The following TRIM9 variants were observed in gnomAD, a reference collection of about 807,000 sequenced individuals.
TRIM9 encodes the protein E3 ubiquitin-protein ligase TRIM9.
A neutral mutation model predicts 78.3 loss-of-function variants in TRIM9; 26 were observed. The ratio of observed to expected loss-of-function variants is 0.33; its 90% CI spans 0.24 to 0.46. TRIM9 has a LOEUF of 0.46. TRIM9 is among the 20% of genes least tolerant of loss of function. The pLI, the probability that TRIM9 is intolerant of heterozygous loss-of-function variation, is 1.00. For missense variants in TRIM9, 787 were observed against 1,036.4 expected (o/e 0.76, Z 3.30); for synonymous variants, 398 against 416.5 (o/e 0.96, Z 0.54).
chr14:50,997,673 G>T, intron 7 of TRIM9: 2 of 1,113,022 alleles, frequency 1.8e-6, no homozygotes, highest in Non-Finnish European at 2.2e-6. Flanking sequence ...AATCATCTGG[G>T]CAAAACTGGC....
chr14:51,008,965 A>T, intron 5 of TRIM9, 115 bp downstream of exon 5: 1 of 1,024,504 alleles, frequency 9.8e-7, no homozygotes, highest in Non-Finnish European at 1.4e-6. Context: ...TCATTACATA[A>T]GTTAGAAGCC....
chr14:50,992,757 A>G (rs554577607), intron 7 of TRIM9, among the ~76,000 whole-genome samples: 40 of 152,302 alleles, frequency 2.6e-4, no homozygotes, highest in Non-Finnish European at 3.2e-4. Flanking sequence ...AGCTACTACA[A>G]TGAAAGGGGC....
chr14:50,988,081 C>A (rs920652983), intron 7 of TRIM9, among the ~76,000 whole-genome samples: 1 of 152,130 alleles, frequency 6.6e-6, no homozygotes, highest in Non-Finnish European at 1.5e-5. Flanking sequence ...AGATTACAGG[C>A]GTGAGCTACC....
intron 1 of TRIM9, among the ~76,000 whole-genome samples, chr14:51,046,236 A>G (rs374989373): frequency 1.9e-4 from 29 of 152,262 alleles, no homozygotes; most frequent in African/African-American, 6.7e-4. Flanking sequence ...CGCAAGGGAC[A>G]CTTGTGGGGC....
intron 1 of TRIM9, among the ~76,000 whole-genome samples, chr14:51,054,819 G>T (rs1040118072): frequency 1.3e-5 from 2 of 151,880 alleles, no homozygotes; most frequent in Non-Finnish European, 1.5e-5. Flanking sequence ...GATTACAGGC[G>T]TGAGCCACTG....
intron 3 of TRIM9, among the ~76,000 whole-genome samples, chr14:51,018,854 TAG>T (rs918326111): frequency 1.3e-4 from 20 of 152,350 alleles, no homozygotes; most frequent in Admixed American, 3.9e-4. Flanking sequence ...CAGATTATCT[TAG>T]AGTTCAAAGG....
At chr14:51,060,465 T>G (rs1344794645) in intron 1 of TRIM9, among the ~76,000 whole-genome samples, 5 of 152,162 alleles carry the variant, frequency 3.3e-5, no homozygotes, top group Admixed American at 1.3e-4. Flanking sequence ...TCTCTTATAT[T>G]CATTCTCTTT....
chr14:50,994,488 T>C (rs2053942857), intron 7 of TRIM9, among the ~76,000 whole-genome samples: 1 of 152,178 alleles, frequency 6.6e-6, no homozygotes, highest in African/African-American at 2.4e-5. Flanking sequence ...TCTATCTAAA[T>C]AGACTAAATA....
chr14:51,010,510 A>AG lies in TRIM9; in HGVS notation c.1042-17_1042-16insC, dbSNP rs778823086. On this transcript the variant is annotated splice_polypyrimidine_tract_variant and intron_variant, in intron 3 of 12. Transcript: ENST00000684578. ...CTCGAACCACCTAGGATTAAAAAAA[A>AG]AACAACAGAACAGTCCAAGATGGCA... The AG allele has an allele frequency of 6.9e-6, 11 of 1,598,274 alleles. No homozygotes were observed. The African/African-American group carries it at 1.5e-4, about 21-fold the overall frequency.
chr14:50,986,351 C>G (rs918120361), intron 7 of TRIM9: 7 of 385,578 alleles, frequency 1.8e-5, no homozygotes, highest in African/African-American at 1.4e-4. Flanking sequence ...GAGGACACCT[C>G]GAACAACAAA....
Position 51,094,183 on chromosome 14 carries a change from A to G in TRIM9, c.757T>C (p.Leu253=), listed in dbSNP as rs902658426. 2.5e-6 allele frequency: 4 copies of G among 1,614,228 alleles called. No individual in the cohort carries two copies. The highest frequency in any genetic ancestry group is 3.3e-5 in the Admixed American group (2 of 60,028). The change falls in exon 1 of 13, where the codon TTG becomes CTG. Residue 253 remains leucine, a synonymous_variant. Transcript: ENST00000684578. Reference sequence around the variant, plus strand: ...TGGCTGGAGTGTTTGCCCTCCTCCAAGCACTGGTAGCACACGGGCATCTTG... The same window carrying G: ...TGGCTGGAGTGTTTGCCCTCCTCCAGGCACTGGTAGCACACGGGCATCTTG... ...QCKMPVCYQC[L]EEGKHSSHEV...
At chr14:51,032,152 G>A (rs1392239111) in intron 1 of TRIM9, among the ~76,000 whole-genome samples, 1 of 152,216 alleles carries the variant, frequency 6.6e-6, no homozygotes, top group African/African-American at 2.4e-5. Flanking sequence ...ACAAAAAAAT[G>A]TATCAGACAT....
Position 50,986,824 on chromosome 14 carries a change from T to C in TRIM9, c.1604-680A>G, listed in dbSNP as rs182812254. Among the ~76,000 whole-genome samples, 80 of 152,332 alleles carry C rather than the reference T, an allele frequency of 5.3e-4. 1 individual carries two copies. Among genetic ancestry groups the C allele is most frequent in the Admixed American group, 3.4e-3 (52 of 15,308 alleles). On this transcript the variant is annotated intron_variant, in intron 7 of 12. Coordinates refer to ENST00000684578, the MANE Select transcript of TRIM9 (RefSeq NM_001387360.1). ...CACTTGACCATCTTTGTTTCTCTAA[T>C]GATAAACAGACTGTAGGCAGTGGTG...
Position 51,094,604 on chromosome 14 carries a change from G to T in TRIM9, c.336C>A (p.His112Gln). 6.2e-7 allele frequency: 1 copy of T among 1,609,634 alleles called. No homozygotes were observed. The highest frequency in any genetic ancestry group is 2.2e-5 in the East Asian group (1 of 44,764). The change falls in exon 1 of 13, where the codon CAC (histidine) becomes CAA (glutamine). Residue 112 changes from histidine to glutamine, a missense_variant. By Grantham distance (24) the His-to-Gln change is conservative (BLOSUM62 0). Around this residue, in one of 3 missense-constraint regions of TRIM9, gnomAD observed 352 missense variants for 472.3 expected, o/e 0.75. Transcript: ENST00000684578. ...GCACCGGGGCCAGGGCCGGTGACAA[G>T]TGGGTGGCCGGTGGCGGCATAGCCG... ...FPPAMPPPATHLSPALAPVPR... is the reference protein window; with the variant it reads ...FPPAMPPPATQLSPALAPVPR...
chr14:51,065,765 G>A (rs1478220189), intron 1 of TRIM9, among the ~76,000 whole-genome samples: 1 of 152,074 alleles, frequency 6.6e-6, no homozygotes, highest in East Asian at 1.9e-4. Flanking sequence ...AAAACAGTTT[G>A]ATTAAATAGC....
At chr14:51,037,121 T>G (rs1348553795) in intron 1 of TRIM9, among the ~76,000 whole-genome samples, 1 of 152,172 alleles carries the variant, frequency 6.6e-6, no homozygotes, top group East Asian at 1.9e-4. Context: ...TGATTCCCCA[T>G]CACCTCACTA....
intron 1 of TRIM9, among the ~76,000 whole-genome samples, chr14:51,029,946 GAGA>G (rs1566596068): frequency 6.6e-6 from 1 of 152,210 alleles, no homozygotes; most frequent in South Asian, 2.1e-4. Flanking sequence ...TGTACAACCA[GAGA>G]AGGTGAGAGG....
rs537624701 is a variant in TRIM9, at chr14:51,022,025, A to G, written c.1041+810T>C. Among the ~76,000 whole-genome samples the G allele has an allele frequency of 3.9e-5, 6 of 152,198 alleles. No individual in the cohort carries two copies. The South Asian group carries it at 1.2e-3, about 32-fold the overall frequency. ...GCCTGTGTATGGCCACCCTATCCAA[A>G]ATTTCCACCCCTATCCCCAGTACTC... is the stretch of plus-strand genomic sequence containing the variant. On this transcript the variant is annotated intron_variant, in intron 3 of 12. Coordinates refer to ENST00000684578, the MANE Select transcript of TRIM9 (RefSeq NM_001387360.1).
intron 1 of TRIM9, among the ~76,000 whole-genome samples, chr14:51,058,420 G>T (rs1260720423): frequency 6.6e-6 from 1 of 152,214 alleles, no homozygotes; most frequent in Non-Finnish European, 1.5e-5. Context: ...ATTGATTCAG[G>T]TACTTGTGAA....
Sources: allele counts gnomAD v4.1 joint callset (sites outside exome capture counted in the v4.1 genomes callset), GRCh38; gene constraint gnomAD v4.1.1; regional missense constraint gnomAD v4.1.1; transcripts MANE v1.5; gene names NCBI Gene and HGNC (gene_info 2026-07-23, HGNC 2026-07-21).